The following CPXM1 variants were observed in gnomAD, a reference collection of about 807,000 sequenced individuals.
CPXM1 encodes the protein probable carboxypeptidase X1.
In CPXM1, 72 loss-of-function variants were observed where a neutral mutation model predicts 80.4. The observed-to-expected ratio is 0.90, with a 90% CI of 0.74 to 1.09. The LOEUF (loss-of-function observed/expected upper bound fraction) is 1.09, where lower values mean the gene tolerates loss of function less well. CPXM1 is among the 50% of genes least tolerant of loss of function. The pLI, the probability that CPXM1 is intolerant of heterozygous loss-of-function variation, is 0.00. For synonymous variants in CPXM1, 403 were observed against 405.6 expected, an observed-to-expected ratio of 0.99 and a Z score of 0.08; for missense variants, 892 against 999.4, an observed-to-expected ratio of 0.89 and a Z score of 1.45.
chr20:2,795,361 C>A lies in CPXM1; in HGVS notation c.1776G>T (p.Leu592=). ...HTNCFEVTVE[L]SCDKFPHENE... ...TCTCGTGAGGGAACTTGTCACAGGA[C>A]AGCTCCACAGTGACCTCAAAGCAGT... The change falls in exon 12 of 14, where the codon CTG becomes CTT. Residue 592 remains leucine (L), a synonymous_variant. Transcript: ENST00000380605. This position sits in a 1 kb window ranked among gnomAD's most constrained non-coding sequence, Gnocchi z 5.4. 6.2e-7 allele frequency: 1 copy of A among 1,614,194 alleles called. No homozygotes were observed.
At position 2,797,199 on chromosome 20, in the gene CPXM1, T is replaced by C. The variant is rs139923149; in HGVS notation, c.825A>G (p.Pro275=). 374 of 1,591,930 alleles carry C rather than the reference T, an allele frequency of 2.3e-4. No individual in the cohort carries two copies. Among genetic ancestry groups the C allele is most frequent in the Non-Finnish European group, 2.8e-4 (325 of 1,165,846 alleles). ...PCLRAEILAC[P]VSDPNDLFLE... ...CCTGGCCTGACTGCCCACCTGAGAC[T>C]GGGCAGGCCAGGATCTCTGCCCGGA... Residue 275 remains proline, a synonymous_variant, in exon 6 of 14, where the codon CCA becomes CCG. Transcript: ENST00000380605.
chr20:2,799,330 C>T (rs2088543682), intron 1 of CPXM1, among the ~76,000 whole-genome samples: 1 of 152,198 alleles, frequency 6.6e-6, no homozygotes, highest in Non-Finnish European at 1.5e-5. Context: ...AGGAGGCTTT[C>T]TTAGCTCCAG....
chr20:2,797,021 G>C lies in CPXM1; in HGVS notation c.906C>G (p.Tyr302Ter). The change falls in exon 7 of 14, where the codon TAC becomes TAG. Residue 302 changes from tyrosine (Y) to a stop codon, truncating the protein, a stop_gained. Coordinates refer to ENST00000380605, the MANE Select transcript of CPXM1 (RefSeq NM_019609.5). LOFTEE classifies it high-confidence loss of function. The part of the protein sequence containing the change: ...SDPLDFQHHN[Y>*]KAMRKLMKQV... ...TATATCTGACCTTCCTCATGGCCTT[G>C]TAATTGTGATGCTGAAAGTCTAGAG... is the stretch of plus-strand genomic sequence containing the variant. The C allele has an allele frequency of 6.2e-7, 1 of 1,614,062 alleles. No individual in the cohort carries two copies. Among genetic ancestry groups the C allele is most frequent in the Non-Finnish European group, 8.5e-7 (1 of 1,179,914 alleles).
Position 2,800,607 on chromosome 20 carries a change from G to C in CPXM1, c.-35C>G. ...TGAGTGCCAGGGGCGCGCGGGCTAC[G>C]GCGGGTGGCGGGTCGGTCTCTTCCT... On this transcript the variant is annotated 5_prime_UTR_variant, in exon 1 of 14. Transcript: ENST00000380605. 2 of 1,313,008 alleles carry C rather than the reference G, an allele frequency of 1.5e-6. No individual in the cohort carries two copies. Among genetic ancestry groups the C allele is most frequent in the Non-Finnish European group, 1.9e-6 (2 of 1,033,480 alleles). 81.3% of individuals were successfully genotyped at this position (1,313,008 alleles called of 1,614,324 possible). A position where few individuals can be genotyped will look rare whatever the true frequency, so the allele number is the denominator to read the frequency against.
intron 4 of CPXM1, 39 bp from the exon 5 acceptor site, chr20:2,798,097 G>A (rs375702976): frequency 4.6e-5 from 74 of 1,613,804 alleles, no homozygotes; most frequent in Admixed American, 2.0e-4. Flanking sequence ...GGTGCCCCCA[G>A]GACTCCCACC....
At position 2,800,474 on chromosome 20, in the gene CPXM1, C is replaced by A; in HGVS notation, c.99G>T (p.Gly33=). The A allele has an allele frequency of 6.9e-7, 1 of 1,452,052 alleles. No homozygotes were observed. The highest frequency in any genetic ancestry group is 1.4e-5 in the South Asian group (1 of 73,202). The allele number at this position is 1,452,052 out of a possible 1,614,324, so 89.9% of individuals were successfully genotyped here. A position where few individuals can be genotyped will look rare whatever the true frequency, so the allele number is the denominator to read the frequency against. The change falls in exon 1 of 14, where the codon GGG becomes GGT. Residue 33 remains glycine, a synonymous_variant. Transcript: ENST00000380605. ...RNSVLGLAQP[G]TTKVPGSTPA... ...GGGTCGAGCCTGGGACCTTGGTGGT[C>A]CCGGGCTGCGCGAGGCCCAGCACCG...
Position 2,794,121 on chromosome 20 carries a change from T to G in CPXM1, c.*69A>C. ...GAGCACCTTTTCCTCACTTTGTCCC[T>G]CCCTCTCTACTCTTCCCCTTCCCGT... On this transcript the variant is annotated 3_prime_UTR_variant, in exon 14 of 14. Coordinates refer to ENST00000380605, the MANE Select transcript of CPXM1 (RefSeq NM_019609.5). This position sits in a 1 kb window ranked among gnomAD's most constrained non-coding sequence, Gnocchi z 5.2. The G allele has an allele frequency of 6.6e-7, 1 of 1,523,440 alleles. No individual in the cohort carries two copies. The highest frequency in any genetic ancestry group is 8.8e-7 in the Non-Finnish European group (1 of 1,136,528). The allele number at this position is 1,523,440 out of a possible 1,614,324, so 94.4% of individuals were successfully genotyped here.
chr20:2,800,074 TGTGA>T, intron 1 of CPXM1, among the ~76,000 whole-genome samples: 1 of 151,002 alleles, frequency 6.6e-6, no homozygotes, highest in African/African-American at 2.4e-5. Context: ...GTTGAGGGAG[TGTGA>T]GTGTGTATAT....
At chr20:2,797,170 C>T in intron 6 of CPXM1, 22 bp downstream of exon 6, 2 of 1,605,628 alleles carry the variant, frequency 1.2e-6, no homozygotes, top group South Asian at 1.1e-5. Flanking sequence ...CCTGCCCAAC[C>T]AACCCTGGCC....
In CPXM1 at chr20:2,796,897, G is replaced by A; in HGVS notation, c.921+109C>T. On this transcript the variant is annotated intron_variant, in intron 7 of 13. Transcript: ENST00000380605. This position sits in a 1 kb window ranked among gnomAD's most constrained non-coding sequence, Gnocchi z 6.8. ...GAGAAGGCTGAGACATCAGGAGGCA[G>A]CAGGGGCATACAAGCGCAGTCACAG... The A allele has an allele frequency of 1.8e-6, 2 of 1,102,104 alleles. No homozygotes were observed. The highest frequency in any genetic ancestry group is 2.7e-6 in the Non-Finnish European group (2 of 740,020). The allele number at this position is 1,102,104 out of a possible 1,614,324, so 68.3% of individuals were successfully genotyped here.
chr20:2,800,252 A>G, intron 1 of CPXM1, 149 bp downstream of exon 1: 1 of 698,318 alleles, frequency 1.4e-6, no homozygotes, highest in Non-Finnish European at 2.2e-6. Flanking sequence ...TGTGCGCGTG[A>G]GTGCGAGTGT....
rs200841971 is a variant in CPXM1, at chr20:2,797,063, C to A, written c.864G>T (p.Ala288=). ...DPNDLFLEAP[A]SGSSDPLDFQ... is the part of the protein sequence containing the mutation. ...AGTCTAGAGGGTCAGAGGATCCCGA[C>A]GCAGGGGCCTCAAGGAATAGGTCAT... is the stretch of plus-strand genomic sequence containing the variant. The change falls in exon 7 of 14, where the codon GCG becomes GCT. Residue 288 remains alanine, a synonymous_variant. Coordinates refer to ENST00000380605, the MANE Select transcript of CPXM1 (RefSeq NM_019609.5). 2 of 1,614,046 alleles carry A rather than the reference C, an allele frequency of 1.2e-6. No homozygotes were observed. The highest frequency in any genetic ancestry group is 1.3e-5 in the African/African-American group (1 of 74,990).
Position 2,798,302 on chromosome 20 carries a change from A to C in CPXM1, c.451-11T>G. The C allele has an allele frequency of 6.2e-7, 1 of 1,613,538 alleles. No homozygotes were observed. The highest frequency in any genetic ancestry group is 1.1e-5 in the South Asian group (1 of 91,012). On this transcript the variant is annotated splice_polypyrimidine_tract_variant and intron_variant, in intron 3 of 13. Transcript: ENST00000380605. ...GTCCTCCAGGCCTGACTGCAGACAC[A>C]GGACATGGTGGTCAGGCCCAGTTGG...
At position 2,796,288 on chromosome 20, in the gene CPXM1, G is replaced by T. The variant is rs1346569329; in HGVS notation, c.1201C>A (p.Pro401Thr). Reference sequence around the variant, plus strand: ...TCATAGCCATCAGGGTTCATGGAGGGCAGCAGGTGAATGCGCATCTCAGAG... The same window carrying T: ...TCATAGCCATCAGGGTTCATGGAGGTCAGCAGGTGAATGCGCATCTCAGAG... ...LLSEMRIHLL[P>T]SMNPDGYEIA... is the part of the protein sequence containing the mutation. Residue 401 changes from proline to threonine, a missense_variant, in exon 9 of 14, where the codon CCC becomes ACC. Physicochemically the swap from Pro to Thr is conservative, Grantham distance 38. This residue lies in a region of CPXM1 where 874 missense variants were observed against 958.4 expected (regional missense o/e 0.91). Transcript: ENST00000380605. This position sits in a 1 kb window ranked among gnomAD's most constrained non-coding sequence, Gnocchi z 6.8. 6.2e-7 allele frequency: 1 copy of T among 1,613,772 alleles called. No homozygotes were observed.
At chr20:2,800,358 C>A in intron 1 of CPXM1, 43 bp downstream of exon 1, 2 of 1,464,900 alleles carry the variant, frequency 1.4e-6, no homozygotes, top group Non-Finnish European at 1.8e-6. Context: ...GAGAGCCGGG[C>A]AGTCGGCTTG....
Position 2,795,422 on chromosome 20 carries a change from G to C in CPXM1, c.1721-6C>G, listed in dbSNP as rs752893032. The C allele has an allele frequency of 3.7e-6, 6 of 1,612,996 alleles. No individual in the cohort carries two copies. Among genetic ancestry groups the C allele is most frequent in the Non-Finnish European group, 4.2e-6 (5 of 1,179,106 alleles). On this transcript the variant is annotated splice_polypyrimidine_tract_variant and splice_region_variant and intron_variant, in intron 11 of 13. Transcript: ENST00000380605. This position sits in a 1 kb window ranked among gnomAD's most constrained non-coding sequence, Gnocchi z 5.4. The stretch of plus-strand genomic sequence containing the variant: ...GTAGCTGAAGTCATTCATGCCTAAG[G>C]GGACCACAGACACTGCTGCCTAAGC...
rs769533044 is a variant in CPXM1 at position 2,796,423 on chromosome 20, C to T, written c.1066G>A (p.Val356Met). 6 of 1,613,904 alleles carry T rather than the reference C, an allele frequency of 3.7e-6. No homozygotes were observed. Among genetic ancestry groups the T allele is most frequent in the African/African-American group, 2.7e-5 (2 of 74,930 alleles). ...GCCTCGTTCCCATGCATGCCAGCCA[C>T]GTAGCGCACCTCAGGCTCCCCTGGG... ...HELGEPEVRY[V>M]AGMHGNEALG... is the part of the protein sequence containing the mutation. Residue 356 changes from valine (V) to methionine (M), a missense_variant, in exon 9 of 14, where the codon GTG (valine) becomes ATG (methionine). Physicochemically the swap from Val to Met is conservative, Grantham distance 21. This residue lies in a region of CPXM1 where 874 missense variants were observed against 958.4 expected (regional missense o/e 0.91). Coordinates refer to ENST00000380605, the MANE Select transcript of CPXM1 (RefSeq NM_019609.5). The surrounding 1 kb of genome is among the most constrained non-coding windows in gnomAD (Gnocchi z 6.8).
Position 2,795,541 on chromosome 20 carries a change from C to T in CPXM1, c.1720+58G>A, listed in dbSNP as rs1281485812. 3.1e-6 allele frequency: 5 copies of T among 1,591,716 alleles called. No individual in the cohort carries two copies. The highest frequency in any genetic ancestry group is 4.3e-6 in the Non-Finnish European group (5 of 1,165,884). On this transcript the variant is annotated intron_variant, in intron 11 of 13. Transcript: ENST00000380605. This position sits in a 1 kb window ranked among gnomAD's most constrained non-coding sequence, Gnocchi z 5.4. ...CGCCAGCACTGTACGCAACCGCAGG[C>T]TGTCTTATCAGGGCGGGGGTTACGG...
rs547334985 is a variant in CPXM1, at chr20:2,796,913, G to A, written c.921+93C>T. 49 of 1,198,428 alleles carry A rather than the reference G, an allele frequency of 4.1e-5. No individual in the cohort carries two copies. The East Asian group carries it at 4.6e-4, about 11-fold the overall frequency. 74.2% of individuals were successfully genotyped at this position (1,198,428 alleles called of 1,614,324 possible). A position where few individuals can be genotyped will look rare whatever the true frequency, so the allele number is the denominator to read the frequency against. ...CAGGAGGCAGCAGGGGCATACAAGC[G>A]CAGTCACAGCAGGTTGTGCCCCGGT... On this transcript the variant is annotated intron_variant, in intron 7 of 13. Coordinates refer to ENST00000380605, the MANE Select transcript of CPXM1 (RefSeq NM_019609.5). This position sits in a 1 kb window ranked among gnomAD's most constrained non-coding sequence, Gnocchi z 6.8.
Sources: allele counts gnomAD v4.1 joint callset (sites outside exome capture counted in the v4.1 genomes callset), GRCh38; gene constraint gnomAD v4.1.1; regional missense constraint gnomAD v4.1.1; non-coding constraint Gnocchi (gnomAD v3.1); transcripts MANE v1.5; gene names NCBI Gene and HGNC (gene_info 2026-07-23, HGNC 2026-07-21).